TRMT11: variants seen among roughly 807,000 people sequenced by gnomAD.
TRMT11 encodes tRNA (guanine(10)-N(2))-methyltransferase TRMT11.
In TRMT11, 53 loss-of-function variants were observed where a neutral mutation model predicts 62.8. The ratio of observed to expected loss-of-function variants is 0.84; its 90% CI spans 0.68 to 1.06. TRMT11 has a LOEUF of 1.06. Among genes scored for constraint, TRMT11 ranks in the 50% least tolerant of loss-of-function variants. The pLI, the probability that TRMT11 is intolerant of heterozygous loss-of-function variation, is 0.00. For missense variants in TRMT11, 556 were observed against 553.4 expected (o/e 1.00, Z -0.05); for synonymous variants, 188 against 190.3 (o/e 0.99, Z 0.10).
chr6:126,261,059 A>G, the TRMT11 span, among the ~76,000 whole-genome samples: 1 of 152,198 alleles, frequency 6.6e-6, no homozygotes, highest in Non-Finnish European at 1.5e-5. Flanking sequence ...AACTACTATA[A>G]TGAGAAAGTT....
intron 1 of TRMT11, among the ~76,000 whole-genome samples, chr6:125,993,519 A>G (rs1389783992): frequency 1.3e-5 from 2 of 152,034 alleles, no homozygotes; most frequent in Admixed American, 6.6e-5. Flanking sequence ...GAATTTTTTG[A>G]TCAAGTGTTT....
intron 21 of TRMT11, among the ~76,000 whole-genome samples, chr6:126,141,315 A>G (rs1777914098): frequency 6.6e-6 from 1 of 152,188 alleles, no homozygotes; most frequent in Admixed American, 6.5e-5. Context: ...AAGTGATTGC[A>G]TGTAGCTAGT....
intron 12 of TRMT11, among the ~76,000 whole-genome samples, chr6:126,024,446 C>T (rs186971137): frequency 3.5e-4 from 53 of 152,290 alleles, no homozygotes; most frequent in African/African-American, 1.2e-3. Context: ...CTCACTCTAT[C>T]ACCCAGGCTA....
intron 17 of TRMT11, among the ~76,000 whole-genome samples, chr6:126,078,516 T>C (rs1053545387): frequency 2.0e-5 from 3 of 152,120 alleles, no homozygotes; most frequent in Non-Finnish European, 4.4e-5. Flanking sequence ...TTCTATTTCA[T>C]AAGACACAAT....
At chr6:126,136,557 G>A (rs1216068831) in intron 21 of TRMT11, among the ~76,000 whole-genome samples, 2 of 151,546 alleles carry the variant, frequency 1.3e-5, no homozygotes, top group Non-Finnish European at 3.0e-5. Context: ...AATTAATATT[G>A]TTAAAATGTC....
At chr6:126,054,878 A>AAG (rs1444697597) in intron 17 of TRMT11, among the ~76,000 whole-genome samples, 2 of 152,240 alleles carry the variant, frequency 1.3e-5, no homozygotes, top group Non-Finnish European at 1.5e-5. Flanking sequence ...AAAACAGCTC[A>AAG]GAACTCCCAA....
the TRMT11 span, among the ~76,000 whole-genome samples, chr6:126,231,666 T>G: frequency 2.0e-5 from 3 of 152,270 alleles, no homozygotes; most frequent in Non-Finnish European, 2.9e-5. Flanking sequence ...TAGCCCCTGT[T>G]ATGTTTTGAA....
At chr6:126,036,849 C>T (rs958255534) in intron 12 of TRMT11, among the ~76,000 whole-genome samples, 4 of 152,132 alleles carry the variant, frequency 2.6e-5, no homozygotes, top group African/African-American at 9.6e-5. Flanking sequence ...TCTGTGTTGC[C>T]GTTATCCTGG....
intron 21 of TRMT11, among the ~76,000 whole-genome samples, chr6:126,142,266 T>C (rs539219938): frequency 5.9e-5 from 9 of 152,174 alleles, no homozygotes; most frequent in African/African-American, 1.7e-4. Context: ...CATTGCTTTA[T>C]AGAGCAAGGA....
At chr6:126,011,761 G>C (rs1307801119) in intron 9 of TRMT11, among the ~76,000 whole-genome samples, 1 of 151,982 alleles carries the variant, frequency 6.6e-6, no homozygotes, top group Non-Finnish European at 1.5e-5. Flanking sequence ...ATACCAACTG[G>C]AGCTCACATG....
chr6:126,247,477 C>CTGTT, the TRMT11 span, among the ~76,000 whole-genome samples: 66 of 148,550 alleles, frequency 4.4e-4, no homozygotes, highest in African/African-American at 1.6e-3. Flanking sequence ...ATCTATCTAT[C>CTGTT]TATCTATCTA....
downstream of TRMT11, among the ~76,000 whole-genome samples, chr6:126,040,595 C>T (rs1021420435): frequency 2.0e-5 from 3 of 152,046 alleles, no homozygotes; most frequent in African/African-American, 7.2e-5. Flanking sequence ...TTCTATGTTA[C>T]CACTGTATTC....
At chr6:126,252,478 G>C in the TRMT11 span, among the ~76,000 whole-genome samples, 3 of 152,126 alleles carry the variant, frequency 2.0e-5, no homozygotes, top group African/African-American at 7.2e-5. Flanking sequence ...GACTCACATA[G>C]CATCATATCC....
intron 17 of TRMT11, among the ~76,000 whole-genome samples, chr6:126,102,344 G>A (rs931497951): frequency 4.6e-5 from 7 of 152,068 alleles, no homozygotes; most frequent in African/African-American, 1.7e-4. Context: ...AAGACCTTAA[G>A]CAAAACACTT....
At chr6:126,165,802 G>A (rs1453316839) in intron 21 of TRMT11, among the ~76,000 whole-genome samples, 3 of 152,138 alleles carry the variant, frequency 2.0e-5, no homozygotes, top group Non-Finnish European at 4.4e-5. Context: ...GGTATTCTCT[G>A]TATTTCCTGA....
At chr6:126,153,943 C>A (rs1473832420) in intron 21 of TRMT11, among the ~76,000 whole-genome samples, 5 of 152,160 alleles carry the variant, frequency 3.3e-5, no homozygotes, top group Non-Finnish European at 7.3e-5. Flanking sequence ...GGCTGGGCTA[C>A]TGTCAGTGAG....
Position 125,996,761 on chromosome 6 carries a change from A to G in TRMT11, c.212+721A>G, listed in dbSNP as rs115736316. ...GCTGAAAACTTTCTGTAGAAATTATATTTGCTAATGCAATGCAAATAAGAA... is the reference window on the plus strand; with the variant it reads ...GCTGAAAACTTTCTGTAGAAATTATGTTTGCTAATGCAATGCAAATAAGAA... On this transcript the variant is annotated intron_variant, in intron 3 of 12. Coordinates refer to ENST00000334379, the MANE Select transcript of TRMT11 (RefSeq NM_001031712.3). 3.1e-3 allele frequency among the ~76,000 whole-genome samples: 477 copies of G among 152,292 alleles called. 1 individual carries two copies. Among genetic ancestry groups the G allele is most frequent in the African/African-American group, 0.011 (444 of 41,568 alleles).
chr6:126,239,463 A>G, the TRMT11 span, among the ~76,000 whole-genome samples: 2 of 152,066 alleles, frequency 1.3e-5, no homozygotes, highest in African/African-American at 4.8e-5. Context: ...TCCTTCACTT[A>G]TGAAGCTTAG....
At chr6:126,155,547 T>C (rs1489197707) in intron 21 of TRMT11, among the ~76,000 whole-genome samples, 1 of 152,156 alleles carries the variant, frequency 6.6e-6, no homozygotes, top group Non-Finnish European at 1.5e-5. Flanking sequence ...CTAAGTCTCA[T>C]CTGAGACTCA....
Sources: allele counts gnomAD v4.1 joint callset (sites outside exome capture counted in the v4.1 genomes callset), GRCh38; gene constraint gnomAD v4.1.1; transcripts MANE v1.5; gene names NCBI Gene and HGNC (gene_info 2026-07-23, HGNC 2026-07-21).